Variants in TSNARE1 observed in about 807,000 individuals in gnomAD.
TSNARE1 encodes t-SNARE domain containing 1.
TSNARE1 carries 49 observed loss-of-function variants against 62.0 expected under a neutral mutation model. The observed-to-expected ratio is 0.79, with a 90% CI of 0.63 to 1.00. The LOEUF is 1.00. Ranked by LOEUF, TSNARE1 falls within the 50% of genes least tolerant of loss-of-function variation. The probability of loss-of-function intolerance (pLI) is 0.00; values close to 1 mark genes in which losing one functional copy is unlikely to be tolerated. For missense variants in TSNARE1, 755 were observed against 700.1 expected (o/e 1.08, Z -0.88); for synonymous variants, 328 against 294.4 (o/e 1.11, Z -1.17).
intron 13 of TSNARE1, among the ~76,000 whole-genome samples, chr8:142,226,386 C>T (rs1816774372): frequency 6.6e-6 from 1 of 152,182 alleles, no homozygotes; most frequent in African/African-American, 2.4e-5. Context: ...TGCAGCCCGG[C>T]TCCTGCAATC....
chr8:142,216,532 G>T lies in TSNARE1; in HGVS notation c.*12-4219C>A, dbSNP rs538555698. 1.3e-4 allele frequency among the ~76,000 whole-genome samples: 20 copies of T among 152,302 alleles called. 2 individuals carry two copies. The highest frequency in any genetic ancestry group is 3.4e-3 in the Middle Eastern group (1 of 294). ...GCTCTCAGGGAGATGAGGCTGGAGG[G>T]TGTCGGCCTCCCGGCCTGGCACAGC... On this transcript the variant is annotated intron_variant, in intron 13 of 13. Coordinates refer to ENST00000524325, the MANE Select transcript of TSNARE1 (RefSeq NM_145003.5).
At chr8:142,308,390 C>G (rs529380914) in intron 9 of TSNARE1, among the ~76,000 whole-genome samples, 20 of 152,200 alleles carry the variant, frequency 1.3e-4, no homozygotes, top group Admixed American at 3.3e-4. Context: ...ACAGGGTGAG[C>G]TGACGTTTGC....
intron 13 of TSNARE1, among the ~76,000 whole-genome samples, chr8:142,221,969 T>A (rs965897229): frequency 3.0e-5 from 4 of 135,400 alleles, no homozygotes; most frequent in Non-Finnish European, 6.2e-5. Context: ...ACTCATCCAC[T>A]CATCCACTCA....
chr8:142,232,430 C>T (rs969060057), intron 12 of TSNARE1, among the ~76,000 whole-genome samples: 18 of 152,238 alleles, frequency 1.2e-4, no homozygotes, highest in Non-Finnish European at 4.4e-5. Flanking sequence ...TGTCTCCCTG[C>T]GCTACGTCTC....
chr8:142,331,549 C>T lies in TSNARE1; in HGVS notation c.823+205G>A, dbSNP rs902859809. ...CTTGCTCCTTCCCACCCATGAAACCCGGGACTGCACTGCAGGACGGCCTGA... is the reference window on the plus strand; with the variant it reads ...CTTGCTCCTTCCCACCCATGAAACCTGGGACTGCACTGCAGGACGGCCTGA... On this transcript the variant is annotated intron_variant, in intron 5 of 13. Transcript: ENST00000524325. Among the ~76,000 whole-genome samples the T allele has an allele frequency of 3.3e-5, 5 of 152,208 alleles. No homozygotes were observed. The South Asian group carries it at 6.2e-4, about 19-fold the overall frequency.
intron 1 of TSNARE1, among the ~76,000 whole-genome samples, chr8:142,365,682 A>G (rs959405283): frequency 6.6e-6 from 1 of 152,160 alleles, no homozygotes; most frequent in Non-Finnish European, 1.5e-5. Flanking sequence ...GGACATGTTA[A>G]CATTTGGGAT....
rs1361446033 is a variant in TSNARE1, at chr8:142,328,703, G to T, written c.893+2198C>A. 3.3e-5 allele frequency among the ~76,000 whole-genome samples: 5 copies of T among 152,122 alleles called. 1 individual carries two copies. The highest frequency in any genetic ancestry group is 4.4e-5 in the Non-Finnish European group (3 of 68,020). ...CCAGATCGTGACGGCCCCCAGGGTGGAAGGGAATAGAGCCCAGACAGAAGT... is the reference window on the plus strand; with the variant it reads ...CCAGATCGTGACGGCCCCCAGGGTGTAAGGGAATAGAGCCCAGACAGAAGT... On this transcript the variant is annotated intron_variant, in intron 6 of 13. Transcript: ENST00000524325.
At chr8:142,236,156 G>A (rs571709789) in intron 12 of TSNARE1, among the ~76,000 whole-genome samples, 6 of 152,170 alleles carry the variant, frequency 3.9e-5, no homozygotes, top group Non-Finnish European at 8.8e-5. Flanking sequence ...GGATCCTGGG[G>A]TGCTTTCTTT....
chr8:142,318,670 G>A, intron 6 of TSNARE1, 36 bp from the exon 7 acceptor site: 1 of 1,608,828 alleles, frequency 6.2e-7, no homozygotes, highest in Admixed American at 1.7e-5. Flanking sequence ...CGAAGGCAGG[G>A]GAGGAAGGCA....
intron 9 of TSNARE1, among the ~76,000 whole-genome samples, chr8:142,309,313 A>G (rs1428238056): frequency 3.9e-5 from 6 of 152,186 alleles, no homozygotes; most frequent in Non-Finnish European, 8.8e-5. Context: ...AAACCACAGT[A>G]CTAGATGCCC....
At chr8:142,284,304 C>A (rs1822312180) in intron 11 of TSNARE1, 109 bp downstream of exon 11, 3 of 833,952 alleles carry the variant, frequency 3.6e-6, no homozygotes, top group African/African-American at 1.7e-5. Flanking sequence ...CTGGGCCTGG[C>A]TCCTCTTAGA....
chr8:142,295,996 G>A (rs554705840), intron 10 of TSNARE1, among the ~76,000 whole-genome samples: 2 of 130,596 alleles, frequency 1.5e-5, no homozygotes, highest in South Asian at 5.8e-4. Context: ...ACTGTCATGG[G>A]AGGGGGGAGG....
intron 1 of TSNARE1, among the ~76,000 whole-genome samples, chr8:142,400,727 G>A (rs192972005): frequency 3.9e-5 from 6 of 152,210 alleles, no homozygotes; most frequent in Non-Finnish European, 5.9e-5. Flanking sequence ...ACACCACTCA[G>A]AGGGATAAAA....
Position 142,344,339 on chromosome 8 carries a change from C to T in TSNARE1, c.372G>A (p.Arg124=). 1 of 1,582,582 alleles carries T rather than the reference C, an allele frequency of 6.3e-7. No homozygotes were observed. Among genetic ancestry groups the T allele is most frequent in the South Asian group, 1.1e-5 (1 of 87,092 alleles). Residue 124 remains arginine (R), a synonymous_variant, in exon 4 of 14, where the codon AGG becomes AGA. Transcript: ENST00000524325. ...AGPSTTRAKK[R]KPNFCPQETE... ...TCTCCTGCGGGCAGAAGTTGGGCTT[C>T]CTCTTCTTGGCCCGGGTAGTGCTGG...
intron 13 of TSNARE1, among the ~76,000 whole-genome samples, chr8:142,213,357 G>T (rs1425291694): frequency 1.3e-5 from 2 of 148,190 alleles, no homozygotes; most frequent in Admixed American, 6.7e-5. Context: ...TGCTCCTGAG[G>T]CCCCATCACG....
intron 1 of TSNARE1, among the ~76,000 whole-genome samples, chr8:142,376,894 G>C (rs911144371): frequency 6.6e-6 from 1 of 152,256 alleles, no homozygotes. Flanking sequence ...CTGATCAGCA[G>C]AACCTGGGCA....
intron 6 of TSNARE1, among the ~76,000 whole-genome samples, chr8:142,322,514 C>T (rs558456508): frequency 1.3e-5 from 2 of 152,294 alleles, no homozygotes; most frequent in African/African-American, 4.8e-5. Context: ...TATAGAAAAT[C>T]CCAAGGAATC....
intron 4 of TSNARE1, among the ~76,000 whole-genome samples, chr8:142,342,686 C>T (rs560857331): frequency 6.6e-6 from 1 of 152,166 alleles, no homozygotes; most frequent in Non-Finnish European, 1.5e-5. Flanking sequence ...TGTCCCAGCA[C>T]CTGTCCAGGC....
intron 4 of TSNARE1, among the ~76,000 whole-genome samples, chr8:142,334,800 A>G (rs1486259540): frequency 6.6e-6 from 1 of 152,260 alleles, no homozygotes; most frequent in Admixed American, 6.5e-5. Flanking sequence ...GGATGTCTTT[A>G]AAGTGCTGGA....
Sources: allele counts gnomAD v4.1 joint callset (sites outside exome capture counted in the v4.1 genomes callset), GRCh38; gene constraint gnomAD v4.1.1; transcripts MANE v1.5; gene names NCBI Gene and HGNC (gene_info 2026-07-23, HGNC 2026-07-21).